IL21R: variants seen among roughly 807,000 people sequenced by gnomAD.
The protein encoded by IL21R is interleukin 21 receptor, also known as interleukin-21 receptor.
Under a neutral mutation model 41.3 loss-of-function variants are expected in IL21R, and 14 were observed. That is an observed-to-expected ratio of 0.34 (90% CI 0.22 to 0.53). The LOEUF is 0.53. IL21R is among the 20% of genes least tolerant of loss of function. IL21R has a pLI of 0.94. For synonymous variants in IL21R, 286 were observed against 287.6 expected, an observed-to-expected ratio of 0.99 and a Z score of 0.05; for missense variants, 588 against 681.6, an observed-to-expected ratio of 0.86 and a Z score of 1.53.
chr16:27,435,627 T>C (rs1458650750), intron 3 of IL21R, among the ~76,000 whole-genome samples: 1 of 151,720 alleles, frequency 6.6e-6, no homozygotes, highest in Non-Finnish European at 1.5e-5. Flanking sequence ...ATAATTTTTG[T>C]AGTTTTTGTA....
At position 27,429,948 on chromosome 16, in the gene IL21R, C is replaced by CA. The variant is rs2141283458; in HGVS notation, c.-16-107dup. Reference sequence around the variant, plus strand: ...TCGGGATCTTGCATTTTTCTTAAGACAGTTCCAAGAATCAGGGGCAAGTCT... The same window carrying CA: ...TCGGGATCTTGCATTTTTCTTAAGACAAGTTCCAAGAATCAGGGGCAAGTCT... On this transcript the variant is annotated intron_variant, in intron 1 of 8. Coordinates refer to ENST00000337929, the MANE Select transcript of IL21R (RefSeq NM_181078.3). 2.1e-5 allele frequency: 19 copies of CA among 905,588 alleles called. No homozygotes were observed. The South Asian group carries it at 3.0e-4, about 14-fold the overall frequency. The allele number at this position is 905,588 out of a possible 1,614,324, so 56.1% of individuals were successfully genotyped here. A position where few individuals can be genotyped will look rare whatever the true frequency, so the allele number is the denominator to read the frequency against.
Position 27,450,361 on chromosome 16 carries a change from T to C in IL21R, c.*1078T>C, listed in dbSNP as rs2087570811. ...TGGGACCCACCCCCCGTGGCACTCA[T>C]GGAGGGGGCTGCAGGTTGGAACTAT... is the stretch of plus-strand genomic sequence containing the variant. On this transcript the variant is annotated 3_prime_UTR_variant, in exon 9 of 9. Transcript: ENST00000337929. The C allele has an allele frequency of 4.3e-6, 1 of 231,574 alleles. No individual in the cohort carries two copies. Among genetic ancestry groups the C allele is most frequent in the East Asian group, 6.1e-5 (1 of 16,396 alleles). The allele number at this position is 231,574 out of a possible 1,614,324, so 14.3% of individuals were successfully genotyped here.
chr16:27,446,861 C>T (rs770206513), intron 8 of IL21R, among the ~76,000 whole-genome samples: 4 of 152,254 alleles, frequency 2.6e-5, no homozygotes, highest in African/African-American at 7.2e-5. Context: ...CATTTACAGC[C>T]GTGTCACCCA....
At chr16:27,419,249 A>G (rs758083958) in intron 1 of IL21R, among the ~76,000 whole-genome samples, 1 of 152,168 alleles carries the variant, frequency 6.6e-6, no homozygotes, top group Non-Finnish European at 1.5e-5. Flanking sequence ...ACAGGCAGAC[A>G]CATTAGCCTA....
Position 27,450,368 on chromosome 16 carries a change from G to A in IL21R, c.*1085G>A, listed in dbSNP as rs2087571446. The A allele has an allele frequency of 4.3e-6, 1 of 231,708 alleles. No homozygotes were observed. Among genetic ancestry groups the A allele is most frequent in the South Asian group, 1.8e-4 (1 of 5,522 alleles). 14.4% of individuals were successfully genotyped at this position (231,708 alleles called of 1,614,324 possible). ...CACCCCCCGTGGCACTCATGGAGGG[G>A]GCTGCAGGTTGGAACTATGCAGTGT... On this transcript the variant is annotated 3_prime_UTR_variant, in exon 9 of 9. Transcript: ENST00000337929.
chr16:27,446,925 A>AGGGCCAGCCCCACCTGCTGC (rs1216661915), intron 8 of IL21R, among the ~76,000 whole-genome samples: 3 of 152,184 alleles, frequency 2.0e-5, no homozygotes, highest in Non-Finnish European at 4.4e-5. Flanking sequence ...CAGAGGTGGG[A>AGGGCCAGCCCCACCTGCTGC]GGGCCAGCCC....
rs943793525 is a variant in IL21R, at chr16:27,434,505, T to A, written c.152+56T>A. On this transcript the variant is annotated intron_variant, in intron 3 of 8. Transcript: ENST00000337929. The stretch of plus-strand genomic sequence containing the variant: ...GATGCAATTCAGGGTGCCTGCTCAG[T>A]GATTCCCCCAGGAGGACACTGTGCA... 59 of 1,114,140 alleles carry A rather than the reference T, an allele frequency of 5.3e-5. 1 individual carries two copies. The Admixed American group carries it at 9.8e-4, about 19-fold the overall frequency. The allele number at this position is 1,114,140 out of a possible 1,614,324, so 69.0% of individuals were successfully genotyped here. A position where few individuals can be genotyped will look rare whatever the true frequency, so the allele number is the denominator to read the frequency against.
chr16:27,447,140 C>A (rs1439392775), intron 8 of IL21R, among the ~76,000 whole-genome samples: 1 of 152,208 alleles, frequency 6.6e-6, no homozygotes, highest in Admixed American at 6.5e-5. Context: ...ACATGGACCC[C>A]AACCCACATA....
At chr16:27,445,365 T>C in intron 7 of IL21R, 89 bp downstream of exon 7, 2 of 814,934 alleles carry the variant, frequency 2.5e-6, no homozygotes, top group South Asian at 1.5e-5. Flanking sequence ...AACATGACTG[T>C]CATCATGGTA....
chr16:27,416,280 G>C (rs2086893055), intron 1 of IL21R, among the ~76,000 whole-genome samples: 1 of 152,094 alleles, frequency 6.6e-6, no homozygotes, highest in Admixed American at 6.6e-5. Context: ...TACACTACAG[G>C]TTTGCGCCAC....
rs777613715 is a variant in IL21R at position 27,426,164 on chromosome 16, G to T, written c.-16-3892G>T. Among the ~76,000 whole-genome samples the T allele has an allele frequency of 7.7e-4, 118 of 152,290 alleles. 3 individuals are homozygous for T. Among genetic ancestry groups the T allele is most frequent in the Admixed American group, 2.0e-3 (31 of 15,286 alleles). ...CATTTTACAGATGAGGCCCAGAAAG[G>T]TTAAGCAAACTGCCCAAGGCCACAA... On this transcript the variant is annotated intron_variant, in intron 1 of 8. Transcript: ENST00000337929.
chr16:27,440,503 C>A (rs1016610980), intron 4 of IL21R, among the ~76,000 whole-genome samples: 5 of 151,902 alleles, frequency 3.3e-5, no homozygotes, highest in African/African-American at 1.2e-4. Context: ...GAACACCTGG[C>A]CTCAAGCAAT....
intron 8 of IL21R, among the ~76,000 whole-genome samples, chr16:27,447,116 G>A (rs552553474): frequency 6.6e-6 from 1 of 152,330 alleles, no homozygotes; most frequent in Admixed American, 6.5e-5. Context: ...AGGCCAAAGA[G>A]TGGGCAGGGA....
chr16:27,430,595 C>A (rs75565013), intron 2 of IL21R, among the ~76,000 whole-genome samples: 1 of 152,122 alleles, frequency 6.6e-6, no homozygotes, highest in African/African-American at 2.4e-5. Flanking sequence ...GAGGGTAGGT[C>A]GCTTGAGCTC....
intron 4 of IL21R, among the ~76,000 whole-genome samples, chr16:27,440,202 G>A (rs2141300282): frequency 7.4e-6 from 1 of 135,682 alleles, no homozygotes; most frequent in South Asian, 2.3e-4. Flanking sequence ...GCCTTGCAAG[G>A]TTCATTAGTT....
chr16:27,411,261 A>G (rs1567355814), intron 1 of IL21R, among the ~76,000 whole-genome samples: 1 of 151,980 alleles, frequency 6.6e-6, no homozygotes, highest in African/African-American at 2.4e-5. Context: ...AAGGGTTTCA[A>G]TTCTCTACAT....
chr16:27,443,736 T>TCG (rs112472762), intron 5 of IL21R, among the ~76,000 whole-genome samples: 51,234 of 150,290 alleles, frequency 0.34, 9,232 homozygotes, highest in African/African-American at 0.47. Flanking sequence ...TGAGCTGGGA[T>TCG]CGCGCTACTG....
At chr16:27,419,817 T>TG (rs1304062542) in intron 1 of IL21R, among the ~76,000 whole-genome samples, 1 of 6,308 alleles carries the variant, frequency 1.6e-4, no homozygotes, top group Non-Finnish European at 2.8e-4. Flanking sequence ...GTAACATAGT[T>TG]TATTATTATT....
At chr16:27,407,756 C>T (rs1294654663) in intron 1 of IL21R, among the ~76,000 whole-genome samples, 3 of 152,130 alleles carry the variant, frequency 2.0e-5, no homozygotes, top group Non-Finnish European at 4.4e-5. Flanking sequence ...ACCCGGGAGG[C>T]GGAGGTTGCA....
Sources: allele counts gnomAD v4.1 joint callset (sites outside exome capture counted in the v4.1 genomes callset), GRCh38; gene constraint gnomAD v4.1.1; transcripts MANE v1.5; gene names NCBI Gene and HGNC (gene_info 2026-07-23, HGNC 2026-07-21).